Variants in BRAT1 observed in about 807,000 individuals in gnomAD.
The protein encoded by BRAT1 is BRCA1 associated ATM activator 1.
A neutral mutation model predicts 70.6 loss-of-function variants in BRAT1; 74 were observed. That is an observed-to-expected ratio of 1.05 (90% CI 0.87 to 1.27). BRAT1 has a LOEUF of 1.27. Ranked by LOEUF, BRAT1 falls within the 50% of genes most tolerant of loss-of-function variation. The pLI, the probability that BRAT1 is intolerant of heterozygous loss-of-function variation, is 0.00. For missense variants in BRAT1, 1,203 were observed against 1,098.2 expected (o/e 1.10, Z -1.35); for synonymous variants, 615 against 517.1 (o/e 1.19, Z -2.57).
At chr7:2,541,541 G>C (rs1356812484) in intron 8 of BRAT1, 57 bp from the exon 9 acceptor site, 1 of 1,493,860 alleles carries the variant, frequency 6.7e-7, no homozygotes, top group Non-Finnish European at 9.0e-7. Context: ...CGTGGATGCA[G>C]GGGTGCTGGG....
At position 2,538,192 on chromosome 7, in the gene BRAT1, C is replaced by T. The variant is rs748961243; in HGVS notation, c.2343G>A (p.Leu781=). The part of the protein sequence containing the change: ...AVLAMLRSLD[L]EGLRSTLAES... ...CGGCCAGCGTGCTCCGCAGGCCCTC[C>T]AGGTCTAGGGACCTGAGCATGGCCA... The change falls in exon 14 of 14, where the codon CTG becomes CTA. Residue 781 remains leucine (L), a synonymous_variant. Transcript: ENST00000340611. The T allele has an allele frequency of 6.2e-7, 1 of 1,609,648 alleles. No individual in the cohort carries two copies. Among genetic ancestry groups the T allele is most frequent in the Non-Finnish European group, 8.5e-7 (1 of 1,177,930 alleles).
chr7:2,538,178 C>T lies in BRAT1; in HGVS notation c.2357G>A (p.Ser786Asn). The T allele has an allele frequency of 6.2e-7, 1 of 1,609,040 alleles. No homozygotes were observed. Among genetic ancestry groups the T allele is most frequent in the Non-Finnish European group, 8.5e-7 (1 of 1,177,342 alleles). Reference protein sequence around the residue: ...LRSLDLEGLRSTLAESSDHVE... With the variant: ...LRSLDLEGLRNTLAESSDHVE... ...GTGGTCGCTGCTCTCGGCCAGCGTGCTCCGCAGGCCCTCCAGGTCTAGGGA... is the reference window on the plus strand; with the variant it reads ...GTGGTCGCTGCTCTCGGCCAGCGTGTTCCGCAGGCCCTCCAGGTCTAGGGA... Residue 786 changes from serine (S) to asparagine (N), a missense_variant, in exon 14 of 14, where the codon AGC becomes AAC. Physicochemically the swap from Ser to Asn is conservative, Grantham distance 46. Transcript: ENST00000340611.
At chr7:2,549,406 G>C (rs1445548259) in intron 2 of BRAT1, among the ~76,000 whole-genome samples, 3 of 152,106 alleles carry the variant, frequency 2.0e-5, no homozygotes, top group Admixed American at 1.3e-4. Context: ...GAGCCCAGGA[G>C]GTCAAGGCTG....
chr7:2,537,815 T>C lies in BRAT1; in HGVS notation c.*254A>G. ...GCGAATGAATGACACTGGACCCTTG[T>C]CTCAGATCATTATTATTAAATTAAC... On this transcript the variant is annotated 3_prime_UTR_variant, in exon 14 of 14. Transcript: ENST00000340611. 1 of 505,378 alleles carries C rather than the reference T, an allele frequency of 2.0e-6. No homozygotes were observed. The highest frequency in any genetic ancestry group is 3.2e-6 in the Non-Finnish European group (1 of 310,982). 31.3% of individuals were successfully genotyped at this position (505,378 alleles called of 1,614,324 possible).
intron 4 of BRAT1, among the ~76,000 whole-genome samples, 159 bp downstream of exon 4, chr7:2,544,750 C>A (rs894097628): frequency 6.6e-6 from 1 of 152,180 alleles, no homozygotes; most frequent in Non-Finnish European, 1.5e-5. Flanking sequence ...CCTGACCTGC[C>A]AACCAGAGAA....
At position 2,543,456 on chromosome 7, in the gene BRAT1, G is replaced by A; in HGVS notation, c.804-133C>T. The A allele has an allele frequency of 6.7e-7, 1 of 1,481,692 alleles. No individual in the cohort carries two copies. Among genetic ancestry groups the A allele is most frequent in the Non-Finnish European group, 8.9e-7 (1 of 1,119,700 alleles). 91.8% of individuals were successfully genotyped at this position (1,481,692 alleles called of 1,614,324 possible). ...CAGGCCTTTCCCCATGAGGGTTCCA[G>A]GGTCACCCCGGTGCCGCTTCACTGC... On this transcript the variant is annotated intron_variant, in intron 5 of 13. Transcript: ENST00000340611. The surrounding 1 kb of genome is among the most constrained non-coding windows in gnomAD (Gnocchi z 5.5).
At chr7:2,546,467 C>T (rs544060648) in intron 3 of BRAT1, among the ~76,000 whole-genome samples, 1 of 150,652 alleles carries the variant, frequency 6.6e-6, no homozygotes, top group South Asian at 2.1e-4. Context: ...GGTATGGTGG[C>T]TCACGCCTGT....
Position 2,541,413 on chromosome 7 carries a change from G to T in BRAT1, c.1206C>A (p.Asp402Glu). ...GATVTVLRLCDGSAAPASSVG... is the reference protein window; with the variant it reads ...GATVTVLRLCEGSAAPASSVG... ...CACTGGAGGCAGGGGCAGCCGAGCC[G>T]TCACAGAGCCGCAGGACAGTCACTG... Residue 402 changes from aspartate to glutamate, a missense_variant, in exon 9 of 14, where the codon GAC becomes GAA. Physicochemically the swap from Asp to Glu is conservative, Grantham distance 45 (BLOSUM62 2). Transcript: ENST00000340611. 6.3e-7 allele frequency: 1 copy of T among 1,596,458 alleles called. No homozygotes were observed.
In BRAT1 at chr7:2,538,086, C is replaced by G; in HGVS notation, c.2449G>C (p.Glu817Gln). 6.4e-7 allele frequency: 1 copy of G among 1,573,990 alleles called. No homozygotes were observed. Among genetic ancestry groups the G allele is most frequent in the Non-Finnish European group, 8.7e-7 (1 of 1,154,404 alleles). The stretch of plus-strand genomic sequence containing the variant: ...GGTTCTGCTCAGTAGCAGTCGGCCT[C>G]GTCCCCCTGCAGGAAGCCTCCCGTG... Reference protein sequence around the residue: ...LATGGFLQGDEADCY With the variant: ...LATGGFLQGDQADCY The change falls in exon 14 of 14, where the codon GAG becomes CAG. Residue 817 changes from glutamate to glutamine, a missense_variant. Glu to Gln is a conservative substitution (Grantham distance 29). Coordinates refer to ENST00000340611, the MANE Select transcript of BRAT1 (RefSeq NM_152743.4).
In BRAT1 at chr7:2,543,754, C is replaced by CT. The variant is rs730880324; in HGVS notation, c.638dup (p.Val214GlyfsTer189). On this transcript the variant is annotated frameshift_variant, in exon 5 of 14. Transcript: ENST00000340611. LOFTEE classifies it high-confidence loss of function. This position sits in a 1 kb window ranked among gnomAD's most constrained non-coding sequence, Gnocchi z 5.5. Reference sequence around the variant, plus strand: ...TCAGGACGTTCAGGGCCTGAGTGACCTTGGGGGTGGCCGCGGAGCACAAGG... The same window carrying CT: ...TCAGGACGTTCAGGGCCTGAGTGACCTTTGGGGGTGGCCGCGGAGCACAAGG... The CT allele has an allele frequency of 2.6e-4, 415 of 1,605,932 alleles. No homozygotes were observed. The highest frequency in any genetic ancestry group is 5.0e-4 in the Middle Eastern group (3 of 6,058).
At position 2,543,468 on chromosome 7, in the gene BRAT1, T is replaced by C. The variant is rs1404294487; in HGVS notation, c.803+122A>G. On this transcript the variant is annotated intron_variant, in intron 5 of 13. Transcript: ENST00000340611. This position sits in a 1 kb window ranked among gnomAD's most constrained non-coding sequence, Gnocchi z 5.5. The stretch of plus-strand genomic sequence containing the variant: ...CATGAGGGTTCCAGGGTCACCCCGG[T>C]GCCGCTTCACTGCAGGCCATGTCCT... 2.0e-5 allele frequency: 29 copies of C among 1,479,782 alleles called. No homozygotes were observed. In the Admixed American group the frequency reaches 3.1e-4, roughly 16 times the overall value. 91.7% of individuals were successfully genotyped at this position (1,479,782 alleles called of 1,614,324 possible).
intron 8 of BRAT1, 93 bp downstream of exon 8, chr7:2,541,625 G>A (rs1392153406): frequency 6.1e-6 from 9 of 1,466,502 alleles, no homozygotes; most frequent in African/African-American, 2.8e-5. Flanking sequence ...CAAGGGTGCT[G>A]GGGCAGCAAG....
chr7:2,551,181 C>T (rs1583334547), intron 2 of BRAT1, among the ~76,000 whole-genome samples: 1 of 151,114 alleles, frequency 6.6e-6, no homozygotes, highest in East Asian at 1.9e-4. Context: ...GCGGAGGTTG[C>T]AGTGAGCCAA....
rs1779145218 is a variant in BRAT1 at position 2,541,361 on chromosome 7, C to T, written c.1258G>A (p.Ala420Thr). 1 of 1,607,348 alleles carries T rather than the reference C, an allele frequency of 6.2e-7. No homozygotes were observed. Among genetic ancestry groups the T allele is most frequent in the Admixed American group, 1.7e-5 (1 of 59,870 alleles). The change falls in exon 9 of 14, where the codon GCG becomes ACG. Residue 420 changes from alanine (A) to threonine (T), a missense_variant. Physicochemically the swap from Ala to Thr is moderately conservative, Grantham distance 58 (BLOSUM62 0). Transcript: ENST00000340611. ...SVGGHLCGTL[A>T]GCVRVQRAAL... is the part of the protein sequence containing the mutation. ...GCTCGCTGGACCCGGACGCAGCCCG[C>T]CAGGGTCCCACAGAGGTGGCCCCCC... is the stretch of plus-strand genomic sequence containing the variant.
At chr7:2,551,607 G>A (rs1230838638) in intron 2 of BRAT1, among the ~76,000 whole-genome samples, 1 of 150,928 alleles carries the variant, frequency 6.6e-6, no homozygotes, top group African/African-American at 2.4e-5. Context: ...GACTGCCCAG[G>A]AGGTCAAGGC....
chr7:2,540,780 C>T, intron 10 of BRAT1, 199 bp downstream of exon 10: 1 of 504,564 alleles, frequency 2.0e-6, no homozygotes, highest in Non-Finnish European at 3.3e-6. Flanking sequence ...CCCCTGCGTG[C>T]TGATGTATCT....
rs771129655 is a variant in BRAT1, at chr7:2,539,880, C to T, written c.1404G>A (p.Lys468=). 7 of 1,564,908 alleles carry T rather than the reference C, an allele frequency of 4.5e-6. No homozygotes were observed. The highest frequency in any genetic ancestry group is 2.6e-6 in the Non-Finnish European group (3 of 1,158,146). The change falls in exon 11 of 14, where the codon AAG becomes AAA. Residue 468 remains lysine (K), a synonymous_variant. Transcript: ENST00000340611. ...ESPGSSPTVL[K]KAFQATLRWL... is the part of the protein sequence containing the mutation. ...ACCTGAGCGTGGCCTGGAAGGCCTT[C>T]TTCAGAACCTGGAGCAGATAGGGTG...
At chr7:2,542,237 C>A in intron 6 of BRAT1, 26 bp from the exon 7 acceptor site, 1 of 1,534,540 alleles carries the variant, frequency 6.5e-7, no homozygotes, top group Middle Eastern at 1.7e-4. Context: ...AGGTGAGTGC[C>A]GCGACCCTGG....
intron 1 of BRAT1, 64 bp from the exon 2 acceptor site, chr7:2,554,511 A>G: frequency 6.6e-7 from 1 of 1,518,238 alleles, no homozygotes; most frequent in Non-Finnish European, 8.8e-7. Flanking sequence ...CTCTAGTCAC[A>G]GCAGCCCACC....
Sources: allele counts gnomAD v4.1 joint callset (sites outside exome capture counted in the v4.1 genomes callset), GRCh38; gene constraint gnomAD v4.1.1; non-coding constraint Gnocchi (gnomAD v3.1); transcripts MANE v1.5; gene names NCBI Gene and HGNC (gene_info 2026-07-23, HGNC 2026-07-21).